Variants in KLHL7 observed in about 807,000 individuals in gnomAD.
KLHL7 encodes the protein kelch like family member 7.
Under a neutral mutation model 67.4 loss-of-function variants are expected in KLHL7, and 44 were observed. That is an observed-to-expected ratio of 0.65 (90% CI 0.51 to 0.84). KLHL7 has a LOEUF of 0.84. Among genes scored for constraint, KLHL7 ranks in the 40% least tolerant of loss-of-function variants. KLHL7 has a pLI of 0.00. For missense variants in KLHL7, 362 were observed against 718.1 expected (o/e 0.50, Z 5.67); for synonymous variants, 252 against 243.3 (o/e 1.04, Z -0.33).
At chr7:23,165,968 G>A in intron 8 of KLHL7, 30 bp downstream of exon 8, 1 of 1,612,716 alleles carries the variant, frequency 6.2e-7, no homozygotes, top group Non-Finnish European at 8.5e-7. Context: ...TTTGGTTTGG[G>A]GCATATGCTT....
At chr7:23,143,617 C>A (rs1178647838) in intron 5 of KLHL7, among the ~76,000 whole-genome samples, 1 of 151,906 alleles carries the variant, frequency 6.6e-6, no homozygotes, top group Non-Finnish European at 1.5e-5. Context: ...AACATCCTCC[C>A]TGTCATTACA....
At chr7:23,171,226 C>T (rs980385933) in intron 9 of KLHL7, 5 of 300,254 alleles carry the variant, frequency 1.7e-5, no homozygotes, top group East Asian at 1.2e-4. Context: ...TTGCAGATAG[C>T]GGGGACCTAG....
chr7:23,170,359 A>G (rs1785121502), intron 9 of KLHL7, among the ~76,000 whole-genome samples: 1 of 152,240 alleles, frequency 6.6e-6, no homozygotes, highest in Non-Finnish European at 1.5e-5. Flanking sequence ...CCTATGGACC[A>G]TAGAAACACA....
chr7:23,129,047 C>G (rs1319937886), intron 4 of KLHL7: 1 of 152,288 alleles, frequency 6.6e-6, no homozygotes, highest in Non-Finnish European at 1.5e-5. Context: ...AAGGAAAGCA[C>G]TGGTTAACTT....
rs539937273 is a variant in KLHL7 at position 23,110,340 on chromosome 7, A to G, written c.120+4194A>G. On this transcript the variant is annotated intron_variant, in intron 1 of 10. Coordinates refer to ENST00000339077, the MANE Select transcript of KLHL7 (RefSeq NM_001031710.3). Reference sequence around the variant, plus strand: ...AATGGAGATGCTGCTGCTTTTTCTAAGGCCAGTACTTCTACCTAGGCTTTG... The same window carrying G: ...AATGGAGATGCTGCTGCTTTTTCTAGGGCCAGTACTTCTACCTAGGCTTTG... Among the ~76,000 whole-genome samples the G allele has an allele frequency of 2.0e-4, 31 of 152,266 alleles. No homozygotes were observed. In the South Asian group the frequency reaches 2.7e-3, roughly 13 times the overall value.
intron 7 of KLHL7, among the ~76,000 whole-genome samples, chr7:23,159,915 C>CT (rs755461726): frequency 1.3e-5 from 2 of 152,160 alleles, no homozygotes; most frequent in Non-Finnish European, 2.9e-5. Flanking sequence ...TCATCTGACT[C>CT]TTTTTTCCTT....
intron 1 of KLHL7, among the ~76,000 whole-genome samples, chr7:23,109,301 G>A (rs910437197): frequency 3.3e-5 from 5 of 152,074 alleles, no homozygotes; most frequent in Non-Finnish European, 7.4e-5. Context: ...TTAACTTTTT[G>A]CTTAGATTAA....
rs549397391 is a variant in KLHL7, at chr7:23,177,228, CTA to C, written c.*2932_*2933del. 2.6e-5 allele frequency: 4 copies of C among 152,238 alleles called. No homozygotes were observed. The highest frequency in any genetic ancestry group is 9.6e-5 in the African/African-American group (4 of 41,532). The allele number at this position is 152,238 out of a possible 1,614,324, so 9.4% of individuals were successfully genotyped here. A position where few individuals can be genotyped will look rare whatever the true frequency, so the allele number is the denominator to read the frequency against. On this transcript the variant is annotated 3_prime_UTR_variant, in exon 11 of 11. Coordinates refer to ENST00000339077, the MANE Select transcript of KLHL7 (RefSeq NM_001031710.3). The stretch of plus-strand genomic sequence containing the variant: ...TTAGTAGGGTTTTCAATTTTGCACT[CTA>C]TTGAAAAATGTGGCTAGTTTAATTT...
chr7:23,133,581 GC>G (rs971666145), intron 4 of KLHL7, among the ~76,000 whole-genome samples: 8 of 152,058 alleles, frequency 5.3e-5, no homozygotes, highest in Non-Finnish European at 8.8e-5. Flanking sequence ...ACAGATACAT[GC>G]CACCACACCT....
chr7:23,131,564 C>T (rs1009846893), intron 4 of KLHL7, among the ~76,000 whole-genome samples: 6 of 151,992 alleles, frequency 3.9e-5, no homozygotes, highest in African/African-American at 1.2e-4. Context: ...TTGATACAGG[C>T]ATGCAATGTG....
At chr7:23,153,150 A>G (rs1367997531) in intron 7 of KLHL7, among the ~76,000 whole-genome samples, 1 of 152,204 alleles carries the variant, frequency 6.6e-6, no homozygotes, top group East Asian at 1.9e-4. Flanking sequence ...TGGACAATAA[A>G]ATGAACTGCT....
chr7:23,123,790 A>T lies in KLHL7; in HGVS notation c.134A>T (p.Asp45Val). Reference protein sequence around the residue: ...NNMRKQKTLCDVILMVQERKI... With the variant: ...NNMRKQKTLCVVILMVQERKI... The stretch of plus-strand genomic sequence containing the variant: ...TCCTTTGATTAGAAAACGTTGTGTG[A>T]CGTGATCCTCATGGTCCAGGAAAGA... The change falls in exon 2 of 11, where the codon GAC becomes GTC. Residue 45 changes from aspartate to valine, a missense_variant. Physicochemically the swap from Asp to Val is radical, Grantham distance 152. Around this residue, in one of 5 missense-constraint regions of KLHL7, gnomAD observed 57 missense variants for 81.7 expected, o/e 0.70. Coordinates refer to ENST00000339077, the MANE Select transcript of KLHL7 (RefSeq NM_001031710.3). 1 of 1,612,662 alleles carries T rather than the reference A, an allele frequency of 6.2e-7. No homozygotes were observed. Among genetic ancestry groups the T allele is most frequent in the Non-Finnish European group, 8.5e-7 (1 of 1,178,844 alleles).
chr7:23,162,545 C>T (rs1011583050), intron 7 of KLHL7, among the ~76,000 whole-genome samples: 9 of 152,106 alleles, frequency 5.9e-5, no homozygotes, highest in Admixed American at 2.6e-4. Context: ...GTTAAGTGAC[C>T]CTAATTGAGA....
At chr7:23,114,834 C>G (rs1226608056) in intron 1 of KLHL7, among the ~76,000 whole-genome samples, 1 of 152,134 alleles carries the variant, frequency 6.6e-6, no homozygotes, top group African/African-American at 2.4e-5. Context: ...TCATAGCTCT[C>G]TAGATGTTCT....
chr7:23,160,207 G>A (rs1005663050), intron 7 of KLHL7, among the ~76,000 whole-genome samples: 2 of 152,188 alleles, frequency 1.3e-5, no homozygotes, highest in Admixed American at 6.5e-5. Context: ...ATTAAAAATT[G>A]CATGGCAAAG....
intron 1 of KLHL7, among the ~76,000 whole-genome samples, chr7:23,108,900 G>A (rs1279363776): frequency 6.6e-6 from 1 of 152,210 alleles, no homozygotes; most frequent in Non-Finnish European, 1.5e-5. Context: ...CCCATTGAAT[G>A]AATATAGCAC....
At chr7:23,146,544 T>A (rs1000490423) in intron 6 of KLHL7, among the ~76,000 whole-genome samples, 1 of 152,240 alleles carries the variant, frequency 6.6e-6, no homozygotes, top group Non-Finnish European at 1.5e-5. Flanking sequence ...TCTGAACTAG[T>A]CTTTTCCTTT....
chr7:23,117,721 A>G, intron 1 of KLHL7: 2 of 992,082 alleles, frequency 2.0e-6, no homozygotes, highest in East Asian at 2.6e-5. Flanking sequence ...AGTCTTTTTA[A>G]TGTTTCTTAG....
intron 5 of KLHL7, 80 bp downstream of exon 5, chr7:23,141,024 C>T: frequency 1.7e-6 from 2 of 1,152,282 alleles, no homozygotes; most frequent in Non-Finnish European, 2.6e-6. Flanking sequence ...GGACACATGA[C>T]AAGGGAAAGA....
Sources: gnomAD v4.1 joint callset for allele counts (sites outside exome capture counted in the v4.1 genomes callset) on GRCh38, gnomAD v4.1.1 for gene constraint, gnomAD v4.1.1 regional missense constraint, MANE v1.5 for transcripts, NCBI Gene and HGNC (gene_info 2026-07-23, HGNC 2026-07-21) for gene names.